The following ITPR2 variants were observed in gnomAD, a reference collection of about 807,000 sequenced individuals.
ITPR2 encodes the protein inositol 1,4,5-trisphosphate-gated calcium channel ITPR2.
Under a neutral mutation model 317.1 loss-of-function variants are expected in ITPR2, and 207 were observed. That is an observed-to-expected ratio of 0.65 (90% CI 0.58 to 0.73). ITPR2 has a LOEUF of 0.73. Ranked by LOEUF, ITPR2 falls within the 30% of genes least tolerant of loss-of-function variation. The pLI is 0.00. For synonymous variants in ITPR2, 1,156 were observed against 1,149.1 expected (o/e 1.01, Z -0.12); for missense variants, 2,613 against 3,284.0 (o/e 0.80, Z 4.99).
chr12:26,378,847 G>A (rs571177561), intron 55 of ITPR2, among the ~76,000 whole-genome samples: 1 of 152,094 alleles, frequency 6.6e-6, no homozygotes, highest in Non-Finnish European at 1.5e-5. Context: ...AGCTCTGAAC[G>A]AGTTCTCTTT....
chr12:26,340,587 G>A (rs1211993427), intron 55 of ITPR2, among the ~76,000 whole-genome samples: 2 of 152,174 alleles, frequency 1.3e-5, no homozygotes, highest in Admixed American at 1.3e-4. Context: ...CACCGTGAAG[G>A]CTGCAGGCAT....
intron 36 of ITPR2, among the ~76,000 whole-genome samples, chr12:26,553,257 C>T (rs1944573394): frequency 6.6e-6 from 1 of 152,222 alleles, no homozygotes; most frequent in South Asian, 2.1e-4. Flanking sequence ...TGAATGGACT[C>T]TAATCAGCCG....
chr12:26,464,206 T>C (rs1942112208), intron 45 of ITPR2, among the ~76,000 whole-genome samples: 1 of 152,108 alleles, frequency 6.6e-6, no homozygotes, highest in African/African-American at 2.4e-5. Context: ...ATCAACCACA[T>C]TATATTTATT....
intron 26 of ITPR2, among the ~76,000 whole-genome samples, chr12:26,617,151 T>C (rs1256486125): frequency 1.3e-5 from 2 of 152,100 alleles, no homozygotes; most frequent in Admixed American, 1.3e-4. Flanking sequence ...CCAAACACTG[T>C]TCAAGGGTAA....
chr12:26,517,724 G>A (rs947615844), intron 37 of ITPR2, among the ~76,000 whole-genome samples: 3 of 152,168 alleles, frequency 2.0e-5, no homozygotes, highest in African/African-American at 4.8e-5. Context: ...TGTAATCCCA[G>A]CTACTCGGGA....
At chr12:26,756,763 G>T (rs527339220) in intron 2 of ITPR2, among the ~76,000 whole-genome samples, 1 of 152,256 alleles carries the variant, frequency 6.6e-6, no homozygotes, top group South Asian at 2.1e-4. Context: ...AGGATTAAAG[G>T]TTCTCTTATA....
intron 45 of ITPR2, among the ~76,000 whole-genome samples, chr12:26,461,639 T>TAC (rs1456501365): frequency 5.4e-5 from 1 of 18,468 alleles, no homozygotes; most frequent in African/African-American, 7.9e-5. Context: ...TATATATATA[T>TAC]ATATATATAT....
intron 2 of ITPR2, among the ~76,000 whole-genome samples, chr12:26,757,837 T>G (rs907812456): frequency 6.6e-5 from 10 of 152,212 alleles, no homozygotes. Context: ...TCAGGAAATA[T>G]CCCATACTGT....
At chr12:26,682,105 A>G (rs923460602) in intron 12 of ITPR2, 71 bp from the exon 13 acceptor site, 22 of 1,227,156 alleles carry the variant, frequency 1.8e-5, no homozygotes, top group Non-Finnish European at 2.3e-6. Context: ...TAACACATCT[A>G]GTACTGTTTA....
At chr12:26,753,049 G>A (rs1371802648) in intron 2 of ITPR2, among the ~76,000 whole-genome samples, 2 of 152,270 alleles carry the variant, frequency 1.3e-5, no homozygotes, top group East Asian at 3.9e-4. Flanking sequence ...ATAACTCTGG[G>A]TAAGTGGTGG....
intron 55 of ITPR2, 59 bp downstream of exon 55, chr12:26,387,375 G>T: frequency 6.7e-7 from 1 of 1,498,736 alleles, no homozygotes; most frequent in Non-Finnish European, 9.2e-7. Flanking sequence ...GTAGGGTAGA[G>T]AAGATGAAAG....
At chr12:26,823,370 T>C (rs937407253) in intron 1 of ITPR2, among the ~76,000 whole-genome samples, 2 of 152,142 alleles carry the variant, frequency 1.3e-5, no homozygotes, top group African/African-American at 4.8e-5. Flanking sequence ...GCAAAAAAAG[T>C]GTCAAATGCC....
chr12:26,741,635 G>A (rs1319704605), intron 2 of ITPR2, among the ~76,000 whole-genome samples: 4 of 152,224 alleles, frequency 2.6e-5, no homozygotes, highest in Non-Finnish European at 5.9e-5. Context: ...GATTCATGGA[G>A]GTCGACAAAT....
chr12:26,550,567 G>T (rs1472398421), intron 36 of ITPR2, among the ~76,000 whole-genome samples: 2 of 151,936 alleles, frequency 1.3e-5, no homozygotes, highest in Non-Finnish European at 2.9e-5. Flanking sequence ...ATATCTCAGG[G>T]CTTCTCAAAC....
chr12:26,782,070 A>AGAGCGAGAGAGAGC (rs1950106461), intron 2 of ITPR2, among the ~76,000 whole-genome samples: 1 of 122,612 alleles, frequency 8.2e-6, no homozygotes, highest in Non-Finnish European at 1.7e-5. Context: ...AGAGAGAGAG[A>AGAGCGAGAGAGAGC]GAGCGAGAGA....
At chr12:26,436,128 T>C in intron 48 of ITPR2, 93 bp downstream of exon 48, 7 of 1,231,510 alleles carry the variant, frequency 5.7e-6, no homozygotes, top group Non-Finnish European at 7.6e-6. Flanking sequence ...AAAAATCCAT[T>C]TAACAGGAAT....
chr12:26,482,968 T>C (rs536782580), intron 42 of ITPR2, among the ~76,000 whole-genome samples: 1 of 152,330 alleles, frequency 6.6e-6, no homozygotes, highest in South Asian at 2.1e-4. Context: ...ATGCTTACGA[T>C]GGTAGCTCCA....
At chr12:26,829,697 A>G (rs949789562) in intron 1 of ITPR2, among the ~76,000 whole-genome samples, 1 of 152,182 alleles carries the variant, frequency 6.6e-6, no homozygotes, top group Non-Finnish European at 1.5e-5. Flanking sequence ...AGGAAACTGC[A>G]CCAGGGCACA....
intron 2 of ITPR2, among the ~76,000 whole-genome samples, chr12:26,756,516 T>C (rs558567551): frequency 6.6e-6 from 1 of 152,222 alleles, no homozygotes; most frequent in Non-Finnish European, 1.5e-5. Flanking sequence ...TGTAGTCTTT[T>C]TGTAGAAATG....
Sources: allele counts gnomAD v4.1 joint callset (sites outside exome capture counted in the v4.1 genomes callset), GRCh38; gene constraint gnomAD v4.1.1; transcripts MANE v1.5; gene names NCBI Gene and HGNC (gene_info 2026-07-23, HGNC 2026-07-21).